JMY: variants seen among roughly 807,000 people sequenced by gnomAD.
JMY encodes junction-mediating and -regulatory protein.
A neutral mutation model predicts 103.3 loss-of-function variants in JMY; 46 were observed. That is an observed-to-expected ratio of 0.45 (90% CI 0.35 to 0.57). The LOEUF (loss-of-function observed/expected upper bound fraction) is 0.57. Ranked by LOEUF, JMY falls within the 20% of genes least tolerant of loss-of-function variation. The probability of loss-of-function intolerance (pLI) is 0.00; values close to 1 mark genes in which losing one functional copy is unlikely to be tolerated. For missense variants in JMY, 1,238 were observed against 1,255.2 expected (o/e 0.99, Z 0.21); for synonymous variants, 526 against 489.3 (o/e 1.07, Z -0.99).
intron 10 of JMY, among the ~76,000 whole-genome samples, chr5:79,320,413 TC>T (rs926895947): frequency 6.6e-6 from 1 of 151,860 alleles, no homozygotes; most frequent in African/African-American, 2.4e-5. Context: ...CGTATTTGGC[TC>T]GCTGCAATCT....
At chr5:79,273,851 G>A (rs1198878170) in intron 1 of JMY, among the ~76,000 whole-genome samples, 3 of 151,714 alleles carry the variant, frequency 2.0e-5, no homozygotes, top group Non-Finnish European at 2.9e-5. Context: ...TTCTTTTTGA[G>A]ATGGAGTCTC....
chr5:79,315,909 C>A, intron 9 of JMY, 91 bp from the exon 10 acceptor site: 1 of 1,075,532 alleles, frequency 9.3e-7, no homozygotes, highest in Non-Finnish European at 1.4e-6. Context: ...GCGTCCTGTG[C>A]TTTCACAGTT....
intron 2 of JMY, among the ~76,000 whole-genome samples, chr5:79,285,277 C>T (rs1309270138): frequency 6.6e-6 from 1 of 151,898 alleles, no homozygotes. Flanking sequence ...AACTGCACCC[C>T]CTGCCCCCCA....
Position 79,314,663 on chromosome 5 carries a change from C to T in JMY, c.2471C>T (p.Pro824Leu), listed in dbSNP as rs116121324. ...PPPPPPPPPPPPLPVAKDSGP... is the reference protein window; with the variant it reads ...PPPPPPPPPPLPLPVAKDSGP... ...CCTCCTCCCCCTCCCCCACCACCAC[C>T]ACCTCTGCCTGTTGCTAAGGACAGT... The change falls in exon 9 of 11, where the codon CCA (proline) becomes CTA (leucine). Residue 824 changes from proline to leucine, a missense_variant. Coordinates refer to ENST00000396137, the MANE Select transcript of JMY (RefSeq NM_152405.5). 2.0e-3 allele frequency: 3,147 copies of T among 1,607,866 alleles called. 39 individuals are homozygous for T. In the African/African-American group the frequency reaches 0.032, roughly 16 times the overall value.
chr5:79,252,251 C>T (rs1354341227), intron 1 of JMY, among the ~76,000 whole-genome samples: 2 of 151,422 alleles, frequency 1.3e-5, no homozygotes, highest in Non-Finnish European at 2.9e-5. Flanking sequence ...GTTTAATTTC[C>T]ATGTATTTGT....
chr5:79,314,970 C>A, intron 9 of JMY, 119 bp downstream of exon 9: 1 of 955,408 alleles, frequency 1.0e-6, no homozygotes, highest in Non-Finnish European at 1.5e-6. Flanking sequence ...TGATAGTAAA[C>A]AGGTTTTCAA....
At chr5:79,268,757 G>A (rs1201913257) in intron 1 of JMY, among the ~76,000 whole-genome samples, 1 of 152,098 alleles carries the variant, frequency 6.6e-6, no homozygotes, top group Non-Finnish European at 1.5e-5. Context: ...CAAAGTGCTG[G>A]GATTACAGGC....
At chr5:79,256,646 G>T (rs978620973) in intron 1 of JMY, among the ~76,000 whole-genome samples, 3 of 152,132 alleles carry the variant, frequency 2.0e-5, no homozygotes, top group East Asian at 1.9e-4. Context: ...TCAAGTGATT[G>T]TTCCTTTTTG....
In JMY at chr5:79,324,285, T is replaced by C. The variant is rs548435241; in HGVS notation, c.*2683T>C. The C allele has an allele frequency of 2.0e-5, 3 of 152,332 alleles. No individual in the cohort carries two copies. The South Asian group carries it at 6.2e-4, about 32-fold the overall frequency. The allele number at this position is 152,332 out of a possible 1,614,324, so 9.4% of individuals were successfully genotyped here. ...GGCCTTGATACTAAATATGTGTATA[T>C]TTAGTTATGATGGTACTTGTAGATG... On this transcript the variant is annotated 3_prime_UTR_variant, in exon 11 of 11. Coordinates refer to ENST00000396137, the MANE Select transcript of JMY (RefSeq NM_152405.5).
chr5:79,273,040 TCAGTA>T (rs1312188705), intron 1 of JMY, among the ~76,000 whole-genome samples: 1 of 152,226 alleles, frequency 6.6e-6, no homozygotes, highest in Non-Finnish European at 1.5e-5. Context: ...ATTATAAACT[TCAGTA>T]CAGTCGTATG....
At chr5:79,278,397 C>G (rs554113958) in intron 2 of JMY, among the ~76,000 whole-genome samples, 1 of 151,724 alleles carries the variant, frequency 6.6e-6, no homozygotes, top group Admixed American at 6.6e-5. Flanking sequence ...TTCCTTCCTC[C>G]TCTAGTCATG....
chr5:79,256,298 T>C (rs1745240375), intron 1 of JMY, among the ~76,000 whole-genome samples: 1 of 152,190 alleles, frequency 6.6e-6, no homozygotes, highest in African/African-American at 2.4e-5. Context: ...TTGCCTGGCC[T>C]GGGACTCACC....
intron 6 of JMY, among the ~76,000 whole-genome samples, chr5:79,303,467 A>G (rs1052311833): frequency 2.0e-5 from 3 of 151,926 alleles, no homozygotes; most frequent in African/African-American, 7.3e-5. Context: ...AGGAAGAAAA[A>G]CCTTCATTGT....
chr5:79,241,986 G>C (rs1181701969), intron 1 of JMY, among the ~76,000 whole-genome samples: 3 of 152,076 alleles, frequency 2.0e-5, no homozygotes, highest in Non-Finnish European at 2.9e-5. Context: ...TATAAATAAT[G>C]GTTTCTGTAT....
intron 4 of JMY, among the ~76,000 whole-genome samples, chr5:79,294,068 T>C (rs1016784080): frequency 2.0e-5 from 3 of 152,190 alleles, no homozygotes; most frequent in African/African-American, 7.2e-5. Flanking sequence ...AAGGAGATTT[T>C]CTATATAGTT....
In JMY at chr5:79,277,940, A is replaced by G. The variant is rs1284188316; in HGVS notation, c.1063A>G (p.Met355Val). The G allele has an allele frequency of 1.2e-6, 2 of 1,614,022 alleles. No homozygotes were observed. Among genetic ancestry groups the G allele is most frequent in the East Asian group, 2.2e-5 (1 of 44,878 alleles). ...GGATAAGCACAAGAATACAGAGAGC[A>G]TGGTGGAGCTTCTGGACTTGTATCA... is the stretch of plus-strand genomic sequence containing the variant. ...LLDKHKNTESMVELLDLYQME... is the reference protein window; with the variant it reads ...LLDKHKNTESVVELLDLYQME... Residue 355 changes from methionine (M) to valine (V), a missense_variant, in exon 2 of 11, where the codon ATG becomes GTG. Physicochemically the swap from Met to Val is conservative, Grantham distance 21 (BLOSUM62 1). Transcript: ENST00000396137.
chr5:79,269,664 C>T (rs1206503551), intron 1 of JMY, among the ~76,000 whole-genome samples: 1 of 151,722 alleles, frequency 6.6e-6, no homozygotes, highest in Non-Finnish European at 1.5e-5. Context: ...AGATTTATAC[C>T]TAATTTTTGG....
chr5:79,262,455 A>G (rs1699109286), intron 1 of JMY, among the ~76,000 whole-genome samples: 1 of 152,206 alleles, frequency 6.6e-6, no homozygotes, highest in Non-Finnish European at 1.5e-5. Flanking sequence ...AATTATATCA[A>G]GTTAGTGATT....
rs184062483 is a variant in JMY, at chr5:79,237,382, G to C, written c.732G>C (p.Gln244His). ...SFQDLRAVHQ[Q>H]LCSVNSQLEP... Reference sequence around the variant, plus strand: ...AGGACCTGCGCGCCGTGCACCAGCAGCTGTGCTCGGTGAACTCGCAGTTGG... The same window carrying C: ...AGGACCTGCGCGCCGTGCACCAGCACCTGTGCTCGGTGAACTCGCAGTTGG... Residue 244 changes from glutamine to histidine, a missense_variant, in exon 1 of 11, where the codon CAG becomes CAC. Coordinates refer to ENST00000396137, the MANE Select transcript of JMY (RefSeq NM_152405.5). The C allele has an allele frequency of 1.2e-6, 2 of 1,613,362 alleles. No homozygotes were observed. The highest frequency in any genetic ancestry group is 1.7e-6 in the Non-Finnish European group (2 of 1,179,908).
Sources: allele counts gnomAD v4.1 joint callset (sites outside exome capture counted in the v4.1 genomes callset), GRCh38; gene constraint gnomAD v4.1.1; transcripts MANE v1.5; gene names NCBI Gene and HGNC (gene_info 2026-07-23, HGNC 2026-07-21).